The following MIB1 variants were observed in gnomAD, a reference collection of about 807,000 sequenced individuals.
MIB1 encodes MIB E3 ubiquitin protein ligase 1.
In MIB1, 278 loss-of-function variants were observed where a neutral mutation model predicts 124.5. That is an observed-to-expected ratio of 2.23 (90% CI 2.02 to 2.47). The LOEUF is 2.47. Among genes scored for constraint, MIB1 ranks in the 30% most tolerant of loss-of-function variants. The pLI, the probability that MIB1 is intolerant of heterozygous loss-of-function variation, is 0.00. For missense variants in MIB1, 957 were observed against 1,254.4 expected (o/e 0.76, Z 3.58); for synonymous variants, 446 against 429.4 (o/e 1.04, Z -0.48).
upstream of MIB1, among the ~76,000 whole-genome samples, chr18:21,737,737 T>A (rs2146368389): frequency 1.3e-5 from 2 of 152,296 alleles, no homozygotes; most frequent in Middle Eastern, 6.8e-3. Flanking sequence ...TCCTAGTCTC[T>A]GATGAAACAG....
intron 12 of MIB1, chr18:21,831,250 T>A (rs911323103): frequency 7.5e-6 from 1 of 134,070 alleles, no homozygotes; most frequent in Non-Finnish European, 1.5e-5. Flanking sequence ...CTTTCTTGCT[T>A]TTAGATTTTT....
At chr18:21,863,518 C>T (rs1046033793) in intron 20 of MIB1, among the ~76,000 whole-genome samples, 14 of 147,476 alleles carry the variant, frequency 9.5e-5, no homozygotes, top group African/African-American at 2.7e-4. Context: ...CCCTGAAGTC[C>T]GGCCATCTCT....
intron 10 of MIB1, among the ~76,000 whole-genome samples, chr18:21,804,269 G>A (rs939523790): frequency 2.6e-4 from 39 of 152,206 alleles, no homozygotes; most frequent in African/African-American, 8.7e-4. Flanking sequence ...TGTTTTAGGA[G>A]CTAAAGGTGG....
upstream of MIB1, among the ~76,000 whole-genome samples, chr18:21,738,148 G>T (rs2040803978): frequency 6.6e-6 from 1 of 152,160 alleles, no homozygotes; most frequent in Non-Finnish European, 1.5e-5. Flanking sequence ...CTGTCATTAT[G>T]AGGCTAGCTG....
At chr18:21,738,236 AC>A (rs200272243), upstream of MIB1, among the ~76,000 whole-genome samples, 1,328 of 152,332 alleles carry the variant, frequency 8.7e-3, 20 homozygotes, top group African/African-American at 0.03. Flanking sequence ...AGTCTCTCAG[AC>A]CATAGTGCAA....
chr18:21,798,338 C>A, intron 8 of MIB1, 110 bp downstream of exon 8: 1 of 1,085,378 alleles, frequency 9.2e-7, no homozygotes, highest in Non-Finnish European at 1.3e-6. Context: ...TGGCTTTGTC[C>A]CAGATTACAC....
chr18:21,749,093 T>C (rs1274932236), intron 1 of MIB1, among the ~76,000 whole-genome samples: 1 of 152,080 alleles, frequency 6.6e-6, no homozygotes, highest in African/African-American at 2.4e-5. Context: ...ACTGTATACA[T>C]AGTTTGTTTC....
intron 12 of MIB1, among the ~76,000 whole-genome samples, chr18:21,821,079 C>T (rs1029118288): frequency 7.2e-5 from 11 of 152,198 alleles, no homozygotes; most frequent in African/African-American, 2.7e-4. Flanking sequence ...TTCTACCAAT[C>T]CTTCCAACCC....
chr18:21,829,697 C>T (rs2041960985), intron 12 of MIB1, among the ~76,000 whole-genome samples: 2 of 151,930 alleles, frequency 1.3e-5, no homozygotes, highest in Non-Finnish European at 1.5e-5. Flanking sequence ...ATTCTTTTTT[C>T]TTTATTAGTT....
chr18:21,781,415 A>ATATATG (rs1568199129), intron 6 of MIB1, among the ~76,000 whole-genome samples: 11 of 99,488 alleles, frequency 1.1e-4, no homozygotes, highest in African/African-American at 4.4e-4. Flanking sequence ...ATATATATAT[A>ATATATG]AAATTATTAT....
intron 12 of MIB1, among the ~76,000 whole-genome samples, chr18:21,831,868 C>G (rs1286377259): frequency 2.0e-5 from 3 of 152,114 alleles, no homozygotes; most frequent in Non-Finnish European, 4.4e-5. Flanking sequence ...CAAGTGAAGT[C>G]CCTCTGCTGC....
intron 20 of MIB1, among the ~76,000 whole-genome samples, chr18:21,862,231 A>G (rs1313354449): frequency 2.0e-5 from 3 of 152,126 alleles, no homozygotes; most frequent in Non-Finnish European, 4.4e-5. Context: ...GGGATTTTCT[A>G]TAGCTTTGCT....
At chr18:21,759,494 G>A (rs1046405349) in intron 1 of MIB1, among the ~76,000 whole-genome samples, 4 of 152,056 alleles carry the variant, frequency 2.6e-5, no homozygotes, top group African/African-American at 9.7e-5. Context: ...GCCTGCCTCG[G>A]CCTCCTAAAG....
chr18:21,795,399 T>C (rs965194863), intron 7 of MIB1, among the ~76,000 whole-genome samples: 3 of 144,870 alleles, frequency 2.1e-5, no homozygotes, highest in Non-Finnish European at 3.0e-5. Flanking sequence ...TTTTTATATA[T>C]ACACACACAT....
intron 2 of MIB1, among the ~76,000 whole-genome samples, chr18:21,767,104 A>T (rs2041170309): frequency 6.6e-6 from 1 of 152,144 alleles, no homozygotes; most frequent in African/African-American, 2.4e-5. Flanking sequence ...TGTAGGTAAA[A>T]TCCAGACCAC....
chr18:21,761,900 T>C (rs1453888516), intron 1 of MIB1, among the ~76,000 whole-genome samples: 1 of 151,332 alleles, frequency 6.6e-6, no homozygotes, highest in Admixed American at 6.6e-5. Flanking sequence ...CACATGCCGA[T>C]GAGAGCACAC....
intron 6 of MIB1, among the ~76,000 whole-genome samples, chr18:21,782,929 T>A (rs897044484): frequency 2.6e-5 from 4 of 152,146 alleles, no homozygotes; most frequent in African/African-American, 9.7e-5. Context: ...GATCTATTGA[T>A]GTTTGTGTTT....
chr18:21,723,321 A>T (rs938354063), intron 1 of MIB1, among the ~76,000 whole-genome samples: 4 of 151,396 alleles, frequency 2.6e-5, no homozygotes, highest in African/African-American at 9.7e-5. Flanking sequence ...TATTTTCCCT[A>T]TCTCAGGCCT....
chr18:21,851,283 G>A (rs1189042793), intron 17 of MIB1, among the ~76,000 whole-genome samples: 1 of 152,174 alleles, frequency 6.6e-6, no homozygotes, highest in Admixed American at 6.5e-5. Flanking sequence ...GCAAGGGATA[G>A]TTGATGGAAC....
Sources: gnomAD v4.1 joint callset for allele counts (sites outside exome capture counted in the v4.1 genomes callset) on GRCh38, gnomAD v4.1.1 for gene constraint, MANE v1.5 for transcripts, NCBI Gene and HGNC (gene_info 2026-07-23, HGNC 2026-07-21) for gene names.